The following NT5C2 variants were observed in gnomAD, a reference collection of about 807,000 sequenced individuals.
NT5C2 encodes the protein cytosolic purine 5'-nucleotidase.
NT5C2 carries 58 observed loss-of-function variants against 76.1 expected under a neutral mutation model. That is an observed-to-expected ratio of 0.76 (90% CI 0.62 to 0.95). NT5C2 has a LOEUF of 0.95. Ranked by LOEUF, NT5C2 falls within the 40% of genes least tolerant of loss-of-function variation. NT5C2 has a pLI of 0.00. For synonymous variants in NT5C2, 229 were observed against 237.4 expected (o/e 0.96, Z 0.32); for missense variants, 478 against 690.3 (o/e 0.69, Z 3.45).
intron 3 of NT5C2, among the ~76,000 whole-genome samples, chr10:103,161,759 C>G (rs1436378666): frequency 6.6e-6 from 1 of 151,890 alleles, no homozygotes; most frequent in Non-Finnish European, 1.5e-5. Flanking sequence ...AAATACTATG[C>G]TAAGTGAAAG....
chr10:103,094,372 G>A lies in NT5C2; in HGVS notation c.897C>T (p.Gly299=). 6.2e-7 allele frequency: 1 copy of A among 1,610,776 alleles called. No homozygotes were observed. Among genetic ancestry groups the A allele is most frequent in the Non-Finnish European group, 8.5e-7 (1 of 1,177,044 alleles). ...CAGTATCCACCTGACGCAGTACTGT[G>A]CCTTCTCCAAAAAAGAGTGGTTTCC... The part of the protein sequence containing the change: ...DARKPLFFGE[G]TVLRQVDTKT... The change falls in exon 13 of 19, where the codon GGC becomes GGT. Residue 299 remains glycine (G), a synonymous_variant. Coordinates refer to ENST00000404739, the MANE Select transcript of NT5C2 (RefSeq NM_001351169.2).
chr10:103,093,839 TA>T, intron 14 of NT5C2, 132 bp downstream of exon 14: 2 of 661,926 alleles, frequency 3.0e-6, no homozygotes, highest in Non-Finnish European at 2.7e-6. Flanking sequence ...AAGAGGTGAC[TA>T]AACTATTTAC....
intron 1 of NT5C2, among the ~76,000 whole-genome samples, chr10:103,181,867 C>T (rs944961473): frequency 6.6e-6 from 1 of 151,918 alleles, no homozygotes; most frequent in African/African-American, 2.4e-5. Context: ...ATCAGCCAGG[C>T]GTGGTGGCGT....
chr10:103,129,781 C>T (rs2077666246), intron 4 of NT5C2, among the ~76,000 whole-genome samples: 1 of 105,510 alleles, frequency 9.5e-6, no homozygotes, highest in Non-Finnish European at 2.0e-5. Flanking sequence ...CCCGGCCAGC[C>T]GCCCCGTCCG....
intron 3 of NT5C2, among the ~76,000 whole-genome samples, chr10:103,160,118 G>A (rs1010271390): frequency 6.6e-6 from 1 of 152,146 alleles, no homozygotes; most frequent in Non-Finnish European, 1.5e-5. Context: ...TACTTGACAT[G>A]GGTGCCAAGA....
intron 4 of NT5C2, among the ~76,000 whole-genome samples, chr10:103,126,485 G>A (rs566480316): frequency 6.6e-5 from 10 of 152,236 alleles, no homozygotes; most frequent in East Asian, 1.9e-4. Context: ...AACAGGGCGC[G>A]GTGGTGCATG....
chr10:103,187,314 G>A (rs1211212570), intron 1 of NT5C2, among the ~76,000 whole-genome samples: 1 of 152,012 alleles, frequency 6.6e-6, no homozygotes, highest in African/African-American at 2.4e-5. Context: ...GGGAGGCTGA[G>A]GCGGGTAGAT....
chr10:103,143,783 C>A (rs998758662), intron 3 of NT5C2, among the ~76,000 whole-genome samples: 5 of 151,838 alleles, frequency 3.3e-5, no homozygotes, highest in African/African-American at 1.2e-4. Flanking sequence ...TAGTGAGACC[C>A]TATCTCAACA....
At position 103,090,724 on chromosome 10, in the gene NT5C2, G is replaced by A. The variant is rs1222615420; in HGVS notation, c.1336C>T (p.Arg446Trp). 1.2e-6 allele frequency: 2 copies of A among 1,614,130 alleles called. No individual in the cohort carries two copies. The highest frequency in any genetic ancestry group is 1.7e-6 in the Non-Finnish European group (2 of 1,180,016). ...ACTTGACTGGCAAAAAGGGTCTGCC[G>A]GGAGCCACTGCGAAACAGGCTTCCC... is the stretch of plus-strand genomic sequence containing the variant. ...MMGSLFRSGS[R>W]QTLFASQVMR... Residue 446 changes from arginine (R) to tryptophan (W), a missense_variant, in exon 18 of 19, where the codon CGG (arginine) becomes TGG (tryptophan). By Grantham distance (101) the Arg-to-Trp change is moderately radical (BLOSUM62 -3). Transcript: ENST00000404739.
intron 4 of NT5C2, among the ~76,000 whole-genome samples, chr10:103,114,480 C>T (rs1565023680): frequency 6.6e-6 from 1 of 152,038 alleles, no homozygotes. Context: ...ACTCTTTCAG[C>T]CAAACTATGG....
chr10:103,125,475 C>T, intron 4 of NT5C2: 1 of 231,076 alleles, frequency 4.3e-6, no homozygotes, highest in South Asian at 5.0e-5. Context: ...ACTCAGATTA[C>T]TCTCACTTAA....
At chr10:103,132,100 T>C (rs1042792518) in intron 4 of NT5C2, among the ~76,000 whole-genome samples, 1 of 151,166 alleles carries the variant, frequency 6.6e-6, no homozygotes, top group African/African-American at 2.4e-5. Context: ...ATTAGCTGGG[T>C]GTGGTGATGC....
At position 103,186,013 on chromosome 10, in the gene NT5C2, C is replaced by T. The variant is rs1282816137; in HGVS notation, c.-168-4685G>A. 2.6e-5 allele frequency among the ~76,000 whole-genome samples: 4 copies of T among 152,174 alleles called. No homozygotes were observed. In the East Asian group the frequency reaches 7.7e-4, roughly 29 times the overall value. On this transcript the variant is annotated intron_variant, in intron 1 of 18. Transcript: ENST00000404739. ...AAGCAGCATAGTACATATTTTAACT[C>T]ACTGACTTTTCAGAACAACCCTATA...
rs116050154 is a variant in NT5C2, at chr10:103,089,254, G to A, written c.*418C>T. On this transcript the variant is annotated 3_prime_UTR_variant, in exon 19 of 19. Coordinates refer to ENST00000404739, the MANE Select transcript of NT5C2 (RefSeq NM_001351169.2). Reference sequence around the variant, plus strand: ...GATATACAATACCATGTAATGCACTGGAAAAGTTGGACCTTGGAGTAATAG... The same window carrying A: ...GATATACAATACCATGTAATGCACTAGAAAAGTTGGACCTTGGAGTAATAG... 4.4e-3 allele frequency: 974 copies of A among 223,072 alleles called. 16 individuals carry two copies. The highest frequency in any genetic ancestry group is 0.021 in the African/African-American group (930 of 44,808). The allele number at this position is 223,072 out of a possible 1,614,324, so 13.8% of individuals were successfully genotyped here.
rs2066002039 is a variant in NT5C2, at chr10:103,088,651, T to C, written c.*1021A>G. On this transcript the variant is annotated 3_prime_UTR_variant, in exon 19 of 19. Transcript: ENST00000404739. The stretch of plus-strand genomic sequence containing the variant: ...ATCCGCCTGTCTCGGCCTCCCAAAG[T>C]GCTGGGATTACAGGCGTGAGCCGCC... 1 of 170,516 alleles carries C rather than the reference T, an allele frequency of 5.9e-6. No individual in the cohort carries two copies. The highest frequency in any genetic ancestry group is 1.3e-5 in the Non-Finnish European group (1 of 78,602). 10.6% of individuals were successfully genotyped at this position (170,516 alleles called of 1,614,324 possible). A position where few individuals can be genotyped will look rare whatever the true frequency, so the allele number is the denominator to read the frequency against.
At chr10:103,106,826 T>C in intron 4 of NT5C2, 120 bp from the exon 5 acceptor site, 1 of 705,790 alleles carries the variant, frequency 1.4e-6, no homozygotes. Context: ...GCCATTTTTC[T>C]TCTTCCCCCT....
chr10:103,094,798 C>T (rs1487045014), intron 12 of NT5C2, among the ~76,000 whole-genome samples: 1 of 150,372 alleles, frequency 6.7e-6, no homozygotes, highest in Non-Finnish European at 1.5e-5. Context: ...TCGAGAATCG[C>T]TTGAACCTAG....
At chr10:103,138,865 G>C (rs1262533998) in intron 4 of NT5C2, among the ~76,000 whole-genome samples, 2 of 151,002 alleles carry the variant, frequency 1.3e-5, no homozygotes, top group Admixed American at 6.6e-5. Context: ...AAATTAGCCG[G>C]GTGTGGTGGT....
intron 3 of NT5C2, among the ~76,000 whole-genome samples, chr10:103,169,819 A>T (rs1242864004): frequency 6.6e-6 from 1 of 152,034 alleles, no homozygotes; most frequent in Non-Finnish European, 1.5e-5. Context: ...CATCTCTAGA[A>T]AAAAATTTTT....
Sources: allele counts gnomAD v4.1 joint callset (sites outside exome capture counted in the v4.1 genomes callset), GRCh38; gene constraint gnomAD v4.1.1; transcripts MANE v1.5; gene names NCBI Gene and HGNC (gene_info 2026-07-23, HGNC 2026-07-21).